The following GNAO1 variants were observed in gnomAD, a reference collection of about 807,000 sequenced individuals.
The protein encoded by GNAO1 is G protein subunit alpha o1, also known as guanine nucleotide-binding protein G(o) subunit alpha.
For synonymous variants in GNAO1, 164 were observed against 180.7 expected (o/e 0.91, Z 0.74); for missense variants, 166 against 478.7 (o/e 0.35, Z 6.10).
At chr16:56,302,007 C>T (rs1303241273) in intron 3 of GNAO1, 1 of 152,284 alleles carries the variant, frequency 6.6e-6, no homozygotes, top group Non-Finnish European at 1.5e-5. Context: ...CGCCCCCGCC[C>T]AGGGGTCCTG....
intron 3 of GNAO1, among the ~76,000 whole-genome samples, chr16:56,289,459 G>T (rs904815700): frequency 1.3e-5 from 2 of 152,204 alleles, no homozygotes; most frequent in Non-Finnish European, 2.9e-5. Context: ...AGCCATCGGG[G>T]TGAAGACACT....
At chr16:56,199,790 G>A (rs1322917981) in intron 2 of GNAO1, among the ~76,000 whole-genome samples, 1 of 152,192 alleles carries the variant, frequency 6.6e-6, no homozygotes, top group Non-Finnish European at 1.5e-5. Context: ...ACCACCCACA[G>A]CTTTTATCTG....
At chr16:56,277,723 G>A (rs189689423) in intron 3 of GNAO1, among the ~76,000 whole-genome samples, 4 of 150,990 alleles carry the variant, frequency 2.6e-5, no homozygotes, top group Admixed American at 2.6e-4. Context: ...AGTGGGGAGC[G>A]TGATATCTGA....
Position 56,306,608 on chromosome 16 carries a change from T to A in GNAO1, c.304-22023T>A, listed in dbSNP as rs140015900. 2.6e-3 allele frequency among the ~76,000 whole-genome samples: 392 copies of A among 152,216 alleles called. 3 individuals carry two copies. The highest frequency in any genetic ancestry group is 8.2e-3 in the African/African-American group (342 of 41,514). ...CAGCCTCCAGTCACTGCCTCCACCT[T>A]ATGTTAAAGATAAAAATAACTACAA... is the stretch of plus-strand genomic sequence containing the variant. On this transcript the variant is annotated intron_variant, in intron 3 of 8. Coordinates refer to ENST00000262493, the MANE Select transcript of GNAO1 (RefSeq NM_020988.3).
intron 6 of GNAO1, chr16:56,347,373 C>T (rs1175526385): frequency 3.0e-6 from 3 of 985,414 alleles, no homozygotes; most frequent in East Asian, 2.3e-4. Context: ...AGCGCAGGAT[C>T]CCAGCAGCCC....
intron 6 of GNAO1, among the ~76,000 whole-genome samples, chr16:56,338,299 C>T (rs2037762561): frequency 6.6e-6 from 1 of 152,174 alleles, no homozygotes; most frequent in South Asian, 2.1e-4. Flanking sequence ...TAATTGTTCT[C>T]AATGGCATCT....
At chr16:56,278,143 A>G (rs1327625564) in intron 3 of GNAO1, among the ~76,000 whole-genome samples, 4 of 152,232 alleles carry the variant, frequency 2.6e-5, no homozygotes, top group Non-Finnish European at 5.9e-5. Context: ...CAGTCAAGTC[A>G]GCCTTCAAGT....
rs538382950 is a variant in GNAO1, at chr16:56,193,170, G to A, written c.161+554G>A. Reference sequence around the variant, plus strand: ...TGTTCATGCGTTTGGTGCTGAATTGGAGGCTGTGGTTTCTACATCCCCTCG... The same window carrying A: ...TGTTCATGCGTTTGGTGCTGAATTGAAGGCTGTGGTTTCTACATCCCCTCG... On this transcript the variant is annotated intron_variant, in intron 2 of 8. Coordinates refer to ENST00000262493, the MANE Select transcript of GNAO1 (RefSeq NM_020988.3). 13 of 153,782 alleles carry A rather than the reference G, an allele frequency of 8.5e-5. No homozygotes were observed. The South Asian group carries it at 2.2e-3, about 27-fold the overall frequency. 9.5% of individuals were successfully genotyped at this position (153,782 alleles called of 1,614,324 possible). A position where few individuals can be genotyped will look rare whatever the true frequency, so the allele number is the denominator to read the frequency against.
chr16:56,341,162 G>T (rs1156512603), intron 6 of GNAO1, among the ~76,000 whole-genome samples: 1 of 152,172 alleles, frequency 6.6e-6, no homozygotes, highest in East Asian at 1.9e-4. Flanking sequence ...AGCTAGCCGG[G>T]GCTTCCTCAT....
At chr16:56,293,212 C>T (rs996844759) in intron 3 of GNAO1, among the ~76,000 whole-genome samples, 1 of 152,264 alleles carries the variant, frequency 6.6e-6, no homozygotes, top group African/African-American at 2.4e-5. Flanking sequence ...GGGAGCCAGT[C>T]TCTGGCATAG....
intron 2 of GNAO1, among the ~76,000 whole-genome samples, chr16:56,232,798 G>A (rs76579565): frequency 0.022 from 3,300 of 152,232 alleles, 109 homozygotes; most frequent in African/African-American, 0.066. Context: ...GGGGTGAAGC[G>A]CCCTCCAACT....
chr16:56,211,512 G>A (rs2143333546), intron 2 of GNAO1, among the ~76,000 whole-genome samples: 1 of 152,210 alleles, frequency 6.6e-6, no homozygotes, highest in South Asian at 2.1e-4. Flanking sequence ...ACTTGTGCAG[G>A]CCTGGTTACT....
At chr16:56,340,603 A>C (rs969608452) in intron 6 of GNAO1, 1 of 528,312 alleles carries the variant, frequency 1.9e-6, no homozygotes, top group Non-Finnish European at 3.4e-6. Context: ...GCATCCCCCA[A>C]CCCTGCCCGG....
At chr16:56,200,137 A>G (rs1486989865) in intron 2 of GNAO1, among the ~76,000 whole-genome samples, 1 of 152,150 alleles carries the variant, frequency 6.6e-6, no homozygotes, top group Non-Finnish European at 1.5e-5. Flanking sequence ...GGGTCACCTG[A>G]CCCCAGGGTC....
chr16:56,311,386 G>A lies in GNAO1; in HGVS notation c.304-17245G>A, dbSNP rs1366918160. 6.6e-6 allele frequency among the ~76,000 whole-genome samples: 1 copy of A among 152,116 alleles called. No homozygotes were observed. Among genetic ancestry groups the A allele is most frequent in the African/African-American group, 2.4e-5 (1 of 41,396 alleles). On this transcript the variant is annotated intron_variant, in intron 3 of 8. Coordinates refer to ENST00000262493, the MANE Select transcript of GNAO1 (RefSeq NM_020988.3). This position sits in a 1 kb window ranked among gnomAD's most constrained non-coding sequence, Gnocchi z 5.2. ...GCCAACCTCTCACCCAGTGAGCCCT[G>A]TGCAGCTCTTCCCCAGCAGAGGGCA...
At chr16:56,324,986 G>T (rs79561681) in intron 3 of GNAO1, among the ~76,000 whole-genome samples, 1 of 152,184 alleles carries the variant, frequency 6.6e-6, no homozygotes, top group Non-Finnish European at 1.5e-5. Context: ...CAGACCTTTC[G>T]TTGGCGACAA....
At chr16:56,234,634 G>A (rs1269310661) in intron 2 of GNAO1, among the ~76,000 whole-genome samples, 2 of 152,196 alleles carry the variant, frequency 1.3e-5, no homozygotes, top group Admixed American at 6.5e-5. Context: ...CTGTCCCTGG[G>A]TGGTTTGCTT....
chr16:56,241,634 A>G lies in GNAO1; in HGVS notation c.162-34297A>G, dbSNP rs573520325. On this transcript the variant is annotated intron_variant, in intron 2 of 8. Transcript: ENST00000262493. Reference sequence around the variant, plus strand: ...ACAAATAATAATAATATTTGTTTGCAGTGTATAGAATTAAACTACCAAGCA... The same window carrying G: ...ACAAATAATAATAATATTTGTTTGCGGTGTATAGAATTAAACTACCAAGCA... Among the ~76,000 whole-genome samples the G allele has an allele frequency of 3.9e-5, 6 of 152,316 alleles. No individual in the cohort carries two copies. The East Asian group carries it at 9.7e-4, about 25-fold the overall frequency.
At position 56,351,255 on chromosome 16, in the gene GNAO1, G is replaced by A. The variant is rs1365772067; in HGVS notation, c.724-129G>A. 3 of 630,258 alleles carry A rather than the reference G, an allele frequency of 4.8e-6. No homozygotes were observed. In the Admixed American group the frequency reaches 8.1e-5, roughly 17 times the overall value. 39.0% of individuals were successfully genotyped at this position (630,258 alleles called of 1,614,324 possible). A position where few individuals can be genotyped will look rare whatever the true frequency, so the allele number is the denominator to read the frequency against. On this transcript the variant is annotated intron_variant, in intron 6 of 8. Transcript: ENST00000262493. The surrounding 1 kb of genome is among the most constrained non-coding windows in gnomAD (Gnocchi z 6.1). Reference sequence around the variant, plus strand: ...GTGTAACTGACTCAGGTTCCATCTGGCAGCCTCTCGGAGGAGCTGCCGAGT... The same window carrying A: ...GTGTAACTGACTCAGGTTCCATCTGACAGCCTCTCGGAGGAGCTGCCGAGT...
Sources: gnomAD v4.1 joint callset for allele counts (sites outside exome capture counted in the v4.1 genomes callset) on GRCh38, gnomAD v4.1.1 for gene constraint, Gnocchi (gnomAD v3.1) non-coding constraint, MANE v1.5 for transcripts, NCBI Gene and HGNC (gene_info 2026-07-23, HGNC 2026-07-21) for gene names.